Variants in KCNH5 observed in about 807,000 individuals in gnomAD.
KCNH5 encodes the protein voltage-gated delayed rectifier potassium channel KCNH5.
In KCNH5, 46 loss-of-function variants were observed where a neutral mutation model predicts 96.1. That is an observed-to-expected ratio of 0.48 (90% CI 0.38 to 0.61). The LOEUF (loss-of-function observed/expected upper bound fraction) is 0.61. KCNH5 is among the 20% of genes least tolerant of loss of function. The probability of loss-of-function intolerance (pLI) is 0.00; values close to 1 mark genes in which losing one functional copy is unlikely to be tolerated. For synonymous variants in KCNH5, 439 were observed against 449.8 expected, an observed-to-expected ratio of 0.98 and a Z score of 0.30; for missense variants, 907 against 1,225.8, an observed-to-expected ratio of 0.74 and a Z score of 3.88.
intron 10 of KCNH5, among the ~76,000 whole-genome samples, chr14:62,776,944 G>A (rs1294049279): frequency 6.6e-6 from 1 of 152,162 alleles, no homozygotes; most frequent in Non-Finnish European, 1.5e-5. Context: ...ACTGTACCAT[G>A]CCATGGCTGA....
intron 4 of KCNH5, among the ~76,000 whole-genome samples, chr14:63,000,880 G>A (rs374980245): frequency 6.6e-6 from 1 of 152,142 alleles, no homozygotes; most frequent in Non-Finnish European, 1.5e-5. Context: ...TTTGAAACCA[G>A]CCTGGGCAAC....
At chr14:62,816,062 C>G (rs973497446) in intron 8 of KCNH5, among the ~76,000 whole-genome samples, 2 of 151,428 alleles carry the variant, frequency 1.3e-5, no homozygotes, top group Admixed American at 1.3e-4. Flanking sequence ...TTCTCATATG[C>G]CATATGTGTG....
intron 9 of KCNH5, among the ~76,000 whole-genome samples, chr14:62,800,921 C>A (rs1029387663): frequency 6.6e-6 from 1 of 151,160 alleles, no homozygotes; most frequent in South Asian, 2.1e-4. Context: ...TCTAAAATGT[C>A]GTATTTTCTT....
At chr14:62,736,277 C>T (rs955756359) in intron 10 of KCNH5, among the ~76,000 whole-genome samples, 6 of 152,130 alleles carry the variant, frequency 3.9e-5, no homozygotes, top group East Asian at 1.9e-4. Flanking sequence ...GATCATATTA[C>T]TCTTCTATTC....
intron 9 of KCNH5, among the ~76,000 whole-genome samples, chr14:62,792,230 T>C (rs1019093651): frequency 6.6e-6 from 1 of 151,550 alleles, no homozygotes; most frequent in African/African-American, 2.4e-5. Context: ...AGTCATTATG[T>C]TAAAAATTAT....
chr14:62,778,080 C>T (rs1023991912), intron 10 of KCNH5, among the ~76,000 whole-genome samples: 1 of 152,084 alleles, frequency 6.6e-6, no homozygotes, highest in Non-Finnish European at 1.5e-5. Context: ...GAGGAATGTA[C>T]GGATGTTGGA....
At chr14:62,830,905 T>C (rs1375784963) in intron 8 of KCNH5, among the ~76,000 whole-genome samples, 2 of 152,184 alleles carry the variant, frequency 1.3e-5, no homozygotes, top group Non-Finnish European at 2.9e-5. Context: ...TTAGGTTCCT[T>C]ATCTAAAACA....
chr14:62,893,374 T>A (rs1358949827), intron 7 of KCNH5, among the ~76,000 whole-genome samples: 1 of 152,216 alleles, frequency 6.6e-6, no homozygotes, highest in South Asian at 2.1e-4. Context: ...TTCTTACGGA[T>A]AAGTGAAGAA....
chr14:63,010,157 A>T (rs921096338), intron 2 of KCNH5, among the ~76,000 whole-genome samples: 2 of 152,192 alleles, frequency 1.3e-5, no homozygotes, highest in Admixed American at 6.5e-5. Context: ...GTCATGGTAT[A>T]ACAGAGGACT....
intron 4 of KCNH5, 81 bp downstream of exon 4, chr14:63,001,250 T>C (rs182640391): frequency 7.6e-7 from 1 of 1,307,470 alleles, no homozygotes; most frequent in Non-Finnish European, 1.0e-6. Context: ...GTTTTCCAGT[T>C]CAATCAGCAG....
intron 8 of KCNH5, among the ~76,000 whole-genome samples, chr14:62,822,293 G>T (rs886098336): frequency 1.3e-5 from 2 of 151,896 alleles, no homozygotes; most frequent in African/African-American, 4.8e-5. Context: ...CATACATTAA[G>T]GCACTACACC....
chr14:62,849,762 T>C lies in KCNH5; in HGVS notation c.1460A>G (p.Asn487Ser). 1 of 1,613,904 alleles carries C rather than the reference T, an allele frequency of 6.2e-7. No individual in the cohort carries two copies. Among genetic ancestry groups the C allele is most frequent in the Non-Finnish European group, 8.5e-7 (1 of 1,179,828 alleles). Residue 487 changes from asparagine to serine, a missense_variant, in exon 8 of 11, where the codon AAT (asparagine) becomes AGT (serine). Coordinates refer to ENST00000322893, the MANE Select transcript of KCNH5 (RefSeq NM_139318.5). ...NTNRYHEMLN[N>S]VRDFLKLYQV... is the part of the protein sequence containing the mutation. ...ATAGAGTTTTAGGAAGTCCCGTACA[T>C]TATTCAGCATCTCATGGTATCGGTT...
chr14:62,928,411 T>C (rs1889516794), intron 7 of KCNH5, among the ~76,000 whole-genome samples: 1 of 152,078 alleles, frequency 6.6e-6, no homozygotes, highest in Non-Finnish European at 1.5e-5. Context: ...AATGAGCACC[T>C]GAATAGAGGT....
intron 10 of KCNH5, among the ~76,000 whole-genome samples, chr14:62,761,882 G>A (rs1263913809): frequency 6.6e-6 from 1 of 152,140 alleles, no homozygotes; most frequent in African/African-American, 2.4e-5. Context: ...AATGGATGGA[G>A]GGAGGATGCA....
In KCNH5 at chr14:63,009,952, T is replaced by C. The variant is rs185351513; in HGVS notation, c.198-3480A>G. ...ATATAATAATTTTCCATAGTTTTCA[T>C]ATCTTCTACCAAATATCCTCAAGGA... On this transcript the variant is annotated intron_variant, in intron 2 of 10. Transcript: ENST00000322893. Among the ~76,000 whole-genome samples, 23 of 152,348 alleles carry C rather than the reference T, an allele frequency of 1.5e-4. No homozygotes were observed. In the East Asian group the frequency reaches 2.7e-3, roughly 18 times the overall value.
chr14:63,006,011 A>G (rs1891117847), intron 3 of KCNH5, among the ~76,000 whole-genome samples: 1 of 152,176 alleles, frequency 6.6e-6, no homozygotes, highest in African/African-American at 2.4e-5. Flanking sequence ...AGTGTTAACA[A>G]TTACCGTTTT....
intron 10 of KCNH5, among the ~76,000 whole-genome samples, chr14:62,777,402 G>A (rs57281590): frequency 0.011 from 1,686 of 152,186 alleles, 34 homozygotes; most frequent in African/African-American, 0.039. Context: ...TTTGTGGGTC[G>A]TTGACATTTA....
chr14:63,039,648 A>G (rs1272247998), intron 1 of KCNH5, among the ~76,000 whole-genome samples: 3 of 152,092 alleles, frequency 2.0e-5, no homozygotes, highest in Admixed American at 2.0e-4. Context: ...GCTAAAGAAA[A>G]TGCTCTATTA....
chr14:63,031,593 G>A lies in KCNH5; in HGVS notation c.73+13521C>T, dbSNP rs568759098. Among the ~76,000 whole-genome samples the A allele has an allele frequency of 2.6e-5, 4 of 152,214 alleles. No individual in the cohort carries two copies. In the South Asian group the frequency reaches 8.3e-4, roughly 32 times the overall value. The stretch of plus-strand genomic sequence containing the variant: ...TCATGTACATTAACAAGGGTGGTGG[G>A]GAGGGGAAGGAAATGGGAGAAATCA... On this transcript the variant is annotated intron_variant, in intron 1 of 10. Transcript: ENST00000322893.
Sources: gnomAD v4.1 joint callset for allele counts (sites outside exome capture counted in the v4.1 genomes callset) on GRCh38, gnomAD v4.1.1 for gene constraint, MANE v1.5 for transcripts, NCBI Gene and HGNC (gene_info 2026-07-23, HGNC 2026-07-21) for gene names.